The following PRKN variants were observed in gnomAD, a reference collection of about 807,000 sequenced individuals.
The protein encoded by PRKN is E3 ubiquitin-protein ligase parkin.
Under a neutral mutation model 59.5 loss-of-function variants are expected in PRKN, and 56 were observed. That is an observed-to-expected ratio of 0.94 (90% confidence interval 0.76 to 1.18). The LOEUF is 1.18. Ranked by LOEUF, PRKN falls within the 50% of genes most tolerant of loss-of-function variation. The pLI, the probability that PRKN is intolerant of heterozygous loss-of-function variation, is 0.00. For synonymous variants in PRKN, 250 were observed against 222.1 expected, an observed-to-expected ratio of 1.13 and a Z score of -1.12; for missense variants, 657 against 596.4, an observed-to-expected ratio of 1.10 and a Z score of -1.06.
chr6:161,963,316 T>G (rs990392125), intron 6 of PRKN, among the ~76,000 whole-genome samples: 1 of 152,242 alleles, frequency 6.6e-6, no homozygotes, highest in African/African-American at 2.4e-5. Context: ...GCTGCGCACC[T>G]GCGGTGACAG....
chr6:162,020,344 A>AC (rs2128275002), intron 5 of PRKN, among the ~76,000 whole-genome samples: 1 of 151,174 alleles, frequency 6.6e-6, no homozygotes, highest in East Asian at 1.9e-4. Context: ...AAAAAAAAAA[A>AC]AAAAAAAAAA....
chr6:161,890,070 A>G (rs1462363471), intron 6 of PRKN, among the ~76,000 whole-genome samples: 1 of 152,170 alleles, frequency 6.6e-6, no homozygotes, highest in Non-Finnish European at 1.5e-5. Flanking sequence ...TCAGCTCTCC[A>G]GCTCCCAACT....
In PRKN at chr6:161,461,420, G is replaced by T. The variant is rs929245110; in HGVS notation, c.1084-74543C>A. The stretch of plus-strand genomic sequence containing the variant: ...GCTCTAGGGAATCACTTTATGGGGG[G>T]TGTTATGAGCATATTTTATGGTATG... On this transcript the variant is annotated intron_variant, in intron 9 of 11. Coordinates refer to ENST00000366898, the MANE Select transcript of PRKN (RefSeq NM_004562.3). The surrounding 1 kb of genome is among the most constrained non-coding windows in gnomAD (Gnocchi z 5.1). Among the ~76,000 whole-genome samples the T allele has an allele frequency of 3.9e-5, 6 of 152,110 alleles. No homozygotes were observed. The highest frequency in any genetic ancestry group is 1.4e-4 in the African/African-American group (6 of 41,410).
rs180687873 is a variant in PRKN, at chr6:162,296,436, G to A, written c.172-33671C>T. Among the ~76,000 whole-genome samples, 465 of 152,076 alleles carry A rather than the reference G, an allele frequency of 3.1e-3. 1 individual carries two copies. The highest frequency in any genetic ancestry group is 0.011 in the African/African-American group (448 of 41,468). On this transcript the variant is annotated intron_variant, in intron 2 of 11. Coordinates refer to ENST00000366898, the MANE Select transcript of PRKN (RefSeq NM_004562.3). Reference sequence around the variant, plus strand: ...ACTCATCTCCTTTCTGAGCATTGCAGGCTTTAAGGACCCTCTGGCTGGCTC... The same window carrying A: ...ACTCATCTCCTTTCTGAGCATTGCAAGCTTTAAGGACCCTCTGGCTGGCTC...
chr6:162,272,365 T>A (rs9458493), intron 2 of PRKN, among the ~76,000 whole-genome samples: 53,898 of 151,994 alleles, frequency 0.35, 10,350 homozygotes, highest in South Asian at 0.49. Flanking sequence ...TTCTTTTTTC[T>A]TTAAGTATTA....
intron 6 of PRKN, among the ~76,000 whole-genome samples, chr6:161,789,456 C>A (rs1203636961): frequency 6.6e-6 from 1 of 152,168 alleles, no homozygotes; most frequent in African/African-American, 2.4e-5. Flanking sequence ...TTCCTGTACA[C>A]CTAGATGCAT....
At chr6:162,057,377 G>A (rs113884882) in intron 4 of PRKN, among the ~76,000 whole-genome samples, 31 of 152,222 alleles carry the variant, frequency 2.0e-4, no homozygotes, top group African/African-American at 6.3e-4. Flanking sequence ...GAAGGCAGAA[G>A]TGAGGCTGGA....
At position 162,689,692 on chromosome 6, in the gene PRKN, T is replaced by C. The variant is rs182658002; in HGVS notation, c.7+37970A>G. Reference sequence around the variant, plus strand: ...CCAGGAAAAGGAACACCATCCTTTATGGTCCTCCTCAATACACGTAGACCC... The same window carrying C: ...CCAGGAAAAGGAACACCATCCTTTACGGTCCTCCTCAATACACGTAGACCC... On this transcript the variant is annotated intron_variant, in intron 1 of 11. Transcript: ENST00000366898. Among the ~76,000 whole-genome samples the C allele has an allele frequency of 2.6e-5, 4 of 152,360 alleles. No homozygotes were observed. In the East Asian group the frequency reaches 7.7e-4, roughly 29 times the overall value.
intron 1 of PRKN, among the ~76,000 whole-genome samples, chr6:162,637,065 A>ACCAACATAG (rs1167422717): frequency 1.3e-5 from 2 of 151,926 alleles, no homozygotes; most frequent in East Asian, 3.9e-4. Flanking sequence ...GATGAGCCTG[A>ACCAACATAG]CCAACATAGT....
chr6:162,438,899 C>A (rs1789911344), intron 2 of PRKN, among the ~76,000 whole-genome samples: 1 of 152,166 alleles, frequency 6.6e-6, no homozygotes, highest in African/African-American at 2.4e-5. Flanking sequence ...CTTCTCCTTC[C>A]AGGAATCCCC....
At chr6:161,867,740 C>CATTT (rs58083987) in intron 6 of PRKN, among the ~76,000 whole-genome samples, 4,818 of 137,562 alleles carry the variant, frequency 0.035, 125 homozygotes, top group East Asian at 0.11. Flanking sequence ...AAAAATCTTT[C>CATTT]ATTTATTTAT....
rs1019085990 is a variant in PRKN at position 161,467,487 on chromosome 6, G to A, written c.1084-80610C>T. ...GATGGGCATTTCTCTGTAAGCATATGGTCCAATGGGGAAGACCTAGATACA... is the reference window on the plus strand; with the variant it reads ...GATGGGCATTTCTCTGTAAGCATATAGTCCAATGGGGAAGACCTAGATACA... On this transcript the variant is annotated intron_variant, in intron 9 of 11. Transcript: ENST00000366898. This position sits in a 1 kb window ranked among gnomAD's most constrained non-coding sequence, Gnocchi z 4.3. 6.6e-6 allele frequency among the ~76,000 whole-genome samples: 1 copy of A among 152,110 alleles called. No homozygotes were observed. Among genetic ancestry groups the A allele is most frequent in the Non-Finnish European group, 1.5e-5 (1 of 68,026 alleles).
chr6:162,117,513 G>A (rs542128150), intron 4 of PRKN, among the ~76,000 whole-genome samples: 12 of 152,206 alleles, frequency 7.9e-5, no homozygotes, highest in Non-Finnish European at 1.8e-4. Flanking sequence ...AGCAGGTGGG[G>A]AAAATTGGGG....
chr6:162,428,070 C>G (rs1351591129), intron 2 of PRKN, among the ~76,000 whole-genome samples: 25 of 152,092 alleles, frequency 1.6e-4, no homozygotes, highest in Admixed American at 1.6e-3. Flanking sequence ...TTTGCAATAA[C>G]AATTACAAAT....
At chr6:162,126,501 G>C (rs1781130626) in intron 4 of PRKN, among the ~76,000 whole-genome samples, 1 of 152,128 alleles carries the variant, frequency 6.6e-6, no homozygotes, top group Non-Finnish European at 1.5e-5. Flanking sequence ...TTGTTGCCAT[G>C]GTTCATTTTG....
intron 10 of PRKN, among the ~76,000 whole-genome samples, chr6:161,374,204 C>G (rs896353466): frequency 2.2e-4 from 33 of 151,706 alleles, no homozygotes; most frequent in Non-Finnish European, 2.9e-5. Context: ...TGTTATGTAT[C>G]TGTGTGTGGT....
intron 4 of PRKN, among the ~76,000 whole-genome samples, chr6:162,123,698 C>T (rs1213462725): frequency 3.9e-5 from 6 of 151,994 alleles, no homozygotes; most frequent in Non-Finnish European, 8.8e-5. Flanking sequence ...TTAGGTATAC[C>T]CATGGAGTAT....
At chr6:161,510,153 G>A (rs1428496031) in intron 9 of PRKN, among the ~76,000 whole-genome samples, 2 of 152,112 alleles carry the variant, frequency 1.3e-5, no homozygotes, top group African/African-American at 4.8e-5. Flanking sequence ...TGTGTTTTAA[G>A]AGGAGATTTT....
chr6:161,384,911 A>C (rs909903697), intron 10 of PRKN, among the ~76,000 whole-genome samples: 6 of 152,142 alleles, frequency 3.9e-5, no homozygotes, highest in Non-Finnish European at 8.8e-5. Flanking sequence ...GAGCCTCTAA[A>C]GGGAAATACA....
Sources: allele counts gnomAD v4.1 joint callset (sites outside exome capture counted in the v4.1 genomes callset), GRCh38; gene constraint gnomAD v4.1.1; non-coding constraint Gnocchi (gnomAD v3.1); transcripts MANE v1.5; gene names NCBI Gene and HGNC (gene_info 2026-07-23, HGNC 2026-07-21).